MACROD2: variants seen among roughly 807,000 people sequenced by gnomAD.
MACROD2 encodes ADP-ribose glycohydrolase MACROD2.
A neutral mutation model predicts 70.4 loss-of-function variants in MACROD2; 36 were observed. The observed-to-expected ratio is 0.51, with a 90% CI of 0.39 to 0.68. The LOEUF (loss-of-function observed/expected upper bound fraction) is 0.68. MACROD2 is among the 30% of genes least tolerant of loss of function. The probability of loss-of-function intolerance (pLI) is 0.00; values close to 1 mark genes in which losing one functional copy is unlikely to be tolerated. For missense variants in MACROD2, 496 were observed against 538.4 expected (o/e 0.92, Z 0.78); for synonymous variants, 172 against 178.8 (o/e 0.96, Z 0.30).
intron 5 of MACROD2, among the ~76,000 whole-genome samples, chr20:15,138,919 A>C (rs920216495): frequency 6.6e-6 from 1 of 152,178 alleles, no homozygotes; most frequent in Non-Finnish European, 1.5e-5. Flanking sequence ...ATGATTATTC[A>C]GTGGTTTCAG....
chr20:14,850,394 A>T (rs2073187345), intron 5 of MACROD2: 1 of 154,454 alleles, frequency 6.5e-6, no homozygotes, highest in South Asian at 2.0e-4. Flanking sequence ...TCTCTCAGGG[A>T]ATATCAGAGC....
At chr20:15,571,067 C>T (rs1418773872) in intron 8 of MACROD2, among the ~76,000 whole-genome samples, 1 of 152,100 alleles carries the variant, frequency 6.6e-6, no homozygotes, top group Non-Finnish European at 1.5e-5. Context: ...TTCAGAATCC[C>T]CTAGTAGTTA....
chr20:15,032,584 T>A (rs907136986), intron 5 of MACROD2, among the ~76,000 whole-genome samples: 2 of 152,216 alleles, frequency 1.3e-5, no homozygotes, highest in Non-Finnish European at 2.9e-5. Flanking sequence ...GCTCAATAAT[T>A]GGTCAATTTT....
chr20:15,448,754 GAAC>G (rs756024383), intron 7 of MACROD2, among the ~76,000 whole-genome samples: 3 of 152,036 alleles, frequency 2.0e-5, no homozygotes, highest in Non-Finnish European at 2.9e-5. Flanking sequence ...TTTTGAATAT[GAAC>G]AACATGTAAG....
rs1600353559 is a variant in MACROD2 at position 15,399,597 on chromosome 20, T to C, written c.541-31808T>C. On this transcript the variant is annotated intron_variant, in intron 6 of 17. Transcript: ENST00000684519. ...TTATTTGTGCCTGTTATCCAGTCTT[T>C]AGCGTAGCTAGATTTGAGCCACCCA... Among the ~76,000 whole-genome samples the C allele has an allele frequency of 5.9e-5, 9 of 152,256 alleles. No individual in the cohort carries two copies. The South Asian group carries it at 1.9e-3, about 31-fold the overall frequency.
chr20:14,222,822 A>G (rs1005664511), intron 3 of MACROD2, among the ~76,000 whole-genome samples: 18,899 of 63,104 alleles, frequency 0.3, 2,032 homozygotes, highest in African/African-American at 0.39. Flanking sequence ...TGAAAAAAAA[A>G]AAAAAAAAAA....
At chr20:15,711,138 A>G (rs2050619846) in intron 8 of MACROD2, among the ~76,000 whole-genome samples, 1 of 152,160 alleles carries the variant, frequency 6.6e-6, no homozygotes, top group Non-Finnish European at 1.5e-5. Flanking sequence ...TGTTGAAGAC[A>G]GGTAATCGGT....
chr20:15,022,723 T>C (rs1252243812), intron 5 of MACROD2: 1 of 152,192 alleles, frequency 6.6e-6, no homozygotes, highest in Non-Finnish European at 1.5e-5. Context: ...GCCAAATGCA[T>C]AATGACATGT....
At chr20:15,158,867 A>G (rs748602941) in intron 5 of MACROD2, among the ~76,000 whole-genome samples, 2 of 152,184 alleles carry the variant, frequency 1.3e-5, no homozygotes, top group African/African-American at 4.8e-5. Context: ...TTACAGGATG[A>G]CAAGGAGTTA....
At chr20:14,379,113 T>G (rs2083399102) in intron 3 of MACROD2, among the ~76,000 whole-genome samples, 2 of 152,180 alleles carry the variant, frequency 1.3e-5, no homozygotes, top group South Asian at 4.1e-4. Flanking sequence ...CTTTGAATCT[T>G]CATAACAACC....
chr20:15,780,416 A>T lies in MACROD2; in HGVS notation c.646-82329A>T, dbSNP rs796871101. 1.6e-4 allele frequency among the ~76,000 whole-genome samples: 25 copies of T among 152,224 alleles called. 1 individual carries two copies. The South Asian group carries it at 3.5e-3, about 21-fold the overall frequency. On this transcript the variant is annotated intron_variant, in intron 8 of 17. Coordinates refer to ENST00000684519, the MANE Select transcript of MACROD2 (RefSeq NM_001351661.2). The stretch of plus-strand genomic sequence containing the variant: ...ATTGGGAGAACAAAGGAAGAAGACT[A>T]GGCTGTGCAGAAATTGTTGTGGTTT...
At chr20:15,105,705 C>A (rs1284460402) in intron 5 of MACROD2, among the ~76,000 whole-genome samples, 1 of 152,110 alleles carries the variant, frequency 6.6e-6, no homozygotes, top group African/African-American at 2.4e-5. Context: ...GAACTCCCGG[C>A]ACTAGAGGCA....
intron 6 of MACROD2, among the ~76,000 whole-genome samples, chr20:15,404,894 G>C (rs56299433): frequency 0.4 from 60,880 of 151,980 alleles, 12,955 homozygotes; most frequent in African/African-American, 0.51. Flanking sequence ...AAAGTAGCAA[G>C]AGTCTAAATA....
At chr20:15,825,443 A>C (rs1378077615) in intron 8 of MACROD2, among the ~76,000 whole-genome samples, 1 of 151,962 alleles carries the variant, frequency 6.6e-6, no homozygotes, top group Non-Finnish European at 1.5e-5. Context: ...TTGAGACCCA[A>C]GCTGAACTCA....
chr20:15,368,213 A>G (rs951806157), intron 6 of MACROD2, among the ~76,000 whole-genome samples: 2 of 152,016 alleles, frequency 1.3e-5, no homozygotes, highest in Non-Finnish European at 2.9e-5. Flanking sequence ...AGGAATGCAG[A>G]CTCTCAGGCC....
intron 8 of MACROD2, among the ~76,000 whole-genome samples, chr20:15,571,891 T>A (rs1233753): frequency 0.96 from 146,094 of 152,218 alleles, 70,173 homozygotes; most frequent in Non-Finnish European, 0.98. Flanking sequence ...GTAATTTTTT[T>A]AAAAAGTGTT....
intron 4 of MACROD2, among the ~76,000 whole-genome samples, chr20:14,560,404 C>T (rs1979353756): frequency 1.3e-5 from 2 of 151,380 alleles, no homozygotes; most frequent in Non-Finnish European, 3.0e-5. Context: ...AAAAACTGAC[C>T]TCTAGAATAT....
At chr20:15,196,748 T>C in intron 5 of MACROD2, 1 of 366,776 alleles carries the variant, frequency 2.7e-6, no homozygotes, top group South Asian at 1.1e-4. Flanking sequence ...GTGAAGAAGG[T>C]ACAATATGTA....
At chr20:14,928,268 C>T (rs1176602924) in intron 5 of MACROD2, among the ~76,000 whole-genome samples, 2 of 152,126 alleles carry the variant, frequency 1.3e-5, no homozygotes, top group Non-Finnish European at 2.9e-5. Flanking sequence ...GGGTTCATAT[C>T]GTTTGTCAAG....
Sources: gnomAD v4.1 joint callset for allele counts (sites outside exome capture counted in the v4.1 genomes callset) on GRCh38, gnomAD v4.1.1 for gene constraint, MANE v1.5 for transcripts, NCBI Gene and HGNC (gene_info 2026-07-23, HGNC 2026-07-21) for gene names.